Variants in PDE11A observed in about 807,000 individuals in gnomAD.
The protein encoded by PDE11A is phosphodiesterase 11A.
Under a neutral mutation model 100.5 loss-of-function variants are expected in PDE11A, and 100 were observed. That is an observed-to-expected ratio of 1.00 (90% CI 0.85 to 1.18). The LOEUF is 1.18. Ranked by LOEUF, PDE11A falls within the 50% of genes most tolerant of loss-of-function variation. The pLI is 0.00. For missense variants in PDE11A, 1,141 were observed against 1,152.6 expected (o/e 0.99, Z 0.15); for synonymous variants, 381 against 420.8 (o/e 0.91, Z 1.16).
At chr2:177,965,081 G>GT (rs1333020834) in intron 2 of PDE11A, among the ~76,000 whole-genome samples, 13 of 152,170 alleles carry the variant, frequency 8.5e-5, no homozygotes, top group Non-Finnish European at 2.9e-5. Context: ...GTGTGAGATG[G>GT]TAACACATTG....
chr2:177,661,818 CAGTT>C, intron 19 of PDE11A, among the ~76,000 whole-genome samples: 1 of 152,210 alleles, frequency 6.6e-6, no homozygotes, highest in East Asian at 1.9e-4. Flanking sequence ...CATCTCTCCC[CAGTT>C]AGTTAAATAA....
chr2:177,992,823 G>T (rs17330290), intron 2 of PDE11A, among the ~76,000 whole-genome samples: 8,471 of 152,152 alleles, frequency 0.056, 299 homozygotes, highest in South Asian at 0.093. Context: ...CCCTTAGCAT[G>T]TTGACTTGAT....
chr2:177,628,331 T>C lies in PDE11A; in HGVS notation c.*1076A>G, dbSNP rs1277066540. 1 of 152,664 alleles carries C rather than the reference T, an allele frequency of 6.6e-6. No individual in the cohort carries two copies. The highest frequency in any genetic ancestry group is 2.4e-5 in the African/African-American group (1 of 41,466). The allele number at this position is 152,664 out of a possible 1,614,324, so 9.5% of individuals were successfully genotyped here. ...TTCTCAATATAGGGAGCAAAGCAGC[T>C]TTCTAGTCATTACATCTACTTAATA... On this transcript the variant is annotated 3_prime_UTR_variant, in exon 20 of 20. Transcript: ENST00000286063.
chr2:177,939,573 AAGG>A (rs2085322601), intron 2 of PDE11A, among the ~76,000 whole-genome samples: 1 of 146,540 alleles, frequency 6.8e-6, no homozygotes, highest in Admixed American at 6.7e-5. Context: ...GGAAGGAAGG[AAGG>A]AAGGTAGGTT....
At chr2:177,829,303 ATACT>A (rs1189239313) in intron 6 of PDE11A, among the ~76,000 whole-genome samples, 31 of 152,136 alleles carry the variant, frequency 2.0e-4, no homozygotes, top group African/African-American at 7.2e-4. Context: ...TATTCTATAC[ATACT>A]TCTATACATT....
At chr2:177,650,669 G>A (rs184570641) in intron 19 of PDE11A, among the ~76,000 whole-genome samples, 1 of 152,188 alleles carries the variant, frequency 6.6e-6, no homozygotes, top group African/African-American at 2.4e-5. Flanking sequence ...AAACTTTGAG[G>A]TAATATATTT....
intron 12 of PDE11A, among the ~76,000 whole-genome samples, chr2:177,722,472 T>G (rs535012175): frequency 7.9e-5 from 12 of 152,144 alleles, no homozygotes; most frequent in Non-Finnish European, 1.6e-4. Flanking sequence ...AGGTTCTTAA[T>G]TATGTGCAGC....
intron 7 of PDE11A, 74 bp from the exon 8 acceptor site, chr2:177,817,999 C>A (rs1337525560): frequency 1.4e-5 from 11 of 783,424 alleles, no homozygotes; most frequent in Non-Finnish European, 1.9e-5. Context: ...GTAGCCACAG[C>A]TAACTCTATG....
In PDE11A at chr2:177,705,960, TAGAG is replaced by T. The variant is rs1157523758; in HGVS notation, c.2154-4753_2154-4750del. ...ATTTAATCATCAGGGGCAGCTGTAATAGAGAGAAGGATGAGTGGGGAACGCTGTC... is the reference window on the plus strand; with the variant it reads ...ATTTAATCATCAGGGGCAGCTGTAATAGAAGGATGAGTGGGGAACGCTGTC... On this transcript the variant is annotated intron_variant, in intron 13 of 19. Coordinates refer to ENST00000286063, the MANE Select transcript of PDE11A (RefSeq NM_016953.4). Among the ~76,000 whole-genome samples, 8 of 152,210 alleles carry T rather than the reference TAGAG, an allele frequency of 5.3e-5. No homozygotes were observed. In the East Asian group the frequency reaches 1.5e-3, roughly 29 times the overall value.
chr2:178,003,306 C>G (rs1033812563), intron 2 of PDE11A, among the ~76,000 whole-genome samples: 1 of 152,056 alleles, frequency 6.6e-6, no homozygotes, highest in African/African-American at 2.4e-5. Context: ...CAACAAATAT[C>G]CATCAACTGA....
chr2:178,018,661 C>T lies in PDE11A; in HGVS notation c.913-4201G>A, dbSNP rs558666181. ...TCCTGGGCTCAAGCAATCCTCCTGCCTCAGCCTCCTAAGTAGCTAGGACTG... is the reference window on the plus strand; with the variant it reads ...TCCTGGGCTCAAGCAATCCTCCTGCTTCAGCCTCCTAAGTAGCTAGGACTG... On this transcript the variant is annotated intron_variant, in intron 1 of 19. Coordinates refer to ENST00000286063, the MANE Select transcript of PDE11A (RefSeq NM_016953.4). 4.6e-5 allele frequency among the ~76,000 whole-genome samples: 7 copies of T among 152,284 alleles called. No individual in the cohort carries two copies. The South Asian group carries it at 1.5e-3, about 32-fold the overall frequency.
At chr2:177,855,433 A>C (rs1185266705) in intron 5 of PDE11A, among the ~76,000 whole-genome samples, 4 of 152,092 alleles carry the variant, frequency 2.6e-5, no homozygotes, top group African/African-American at 9.7e-5. Context: ...TAATCCAATG[A>C]GTATTTATTC....
chr2:177,722,007 G>A (rs923034118), intron 12 of PDE11A, among the ~76,000 whole-genome samples: 1 of 152,172 alleles, frequency 6.6e-6, no homozygotes, highest in Non-Finnish European at 1.5e-5. Context: ...AATGGAGGCT[G>A]TGATAAATGA....
At chr2:177,989,722 A>T (rs964791900) in intron 2 of PDE11A, among the ~76,000 whole-genome samples, 1 of 152,226 alleles carries the variant, frequency 6.6e-6, no homozygotes, top group Non-Finnish European at 1.5e-5. Context: ...TCTAAATACC[A>T]GGAGTCCACT....
intron 10 of PDE11A, among the ~76,000 whole-genome samples, chr2:177,758,961 T>G (rs1322497176): frequency 1.3e-5 from 2 of 152,208 alleles, no homozygotes; most frequent in Non-Finnish European, 2.9e-5. Context: ...TCTCTGGGGT[T>G]TTAGCCATTT....
intron 6 of PDE11A, among the ~76,000 whole-genome samples, chr2:177,827,182 T>C (rs2083238580): frequency 6.6e-6 from 1 of 152,182 alleles, no homozygotes; most frequent in African/African-American, 2.4e-5. Context: ...GGATAAGTAA[T>C]ATTGAGTTGT....
chr2:177,674,819 C>T (rs941272), intron 17 of PDE11A, among the ~76,000 whole-genome samples: 5,202 of 152,254 alleles, frequency 0.034, 260 homozygotes, highest in African/African-American at 0.1. Context: ...AGTTACTGTT[C>T]TGGACCCCAC....
At chr2:177,772,001 CAATAAATA>C (rs57220935) in intron 9 of PDE11A, among the ~76,000 whole-genome samples, 52 of 149,404 alleles carry the variant, frequency 3.5e-4, no homozygotes, top group Admixed American at 8.6e-4. Flanking sequence ...GACTCTGTCT[CAATAAATA>C]AATAAATAAA....
intron 2 of PDE11A, among the ~76,000 whole-genome samples, chr2:177,945,429 G>A (rs1320913528): frequency 5.0e-5 from 7 of 140,184 alleles, no homozygotes; most frequent in Non-Finnish European, 1.1e-4. Context: ...GTCTCTGCCC[G>A]GCCGCCCATC....
Sources: gnomAD v4.1 joint callset for allele counts (sites outside exome capture counted in the v4.1 genomes callset) on GRCh38, gnomAD v4.1.1 for gene constraint, MANE v1.5 for transcripts, NCBI Gene and HGNC (gene_info 2026-07-23, HGNC 2026-07-21) for gene names.